The following GRM7 variants were observed in gnomAD, a reference collection of about 807,000 sequenced individuals.
The protein encoded by GRM7 is glutamate metabotropic receptor 7.
A neutral mutation model predicts 84.5 loss-of-function variants in GRM7; 35 were observed. The observed-to-expected ratio is 0.41, with a 90% CI of 0.32 to 0.55. GRM7 has a LOEUF of 0.55. GRM7 is among the 20% of genes least tolerant of loss of function. The probability of loss-of-function intolerance (pLI) is 0.19; values close to 1 mark genes in which losing one functional copy is unlikely to be tolerated. For missense variants in GRM7, 1,003 were observed against 1,194.6 expected, an observed-to-expected ratio of 0.84 and a Z score of 2.36; for synonymous variants, 487 against 455.1, an observed-to-expected ratio of 1.07 and a Z score of -0.89.
chr3:7,611,479 A>G (rs1486248589), intron 8 of GRM7, among the ~76,000 whole-genome samples: 3 of 152,088 alleles, frequency 2.0e-5, no homozygotes, highest in Non-Finnish European at 4.4e-5. Context: ...GCTGCCACCT[A>G]TCATCATCAT....
chr3:7,215,186 G>A (rs115423492), intron 2 of GRM7, among the ~76,000 whole-genome samples: 2,902 of 152,116 alleles, frequency 0.019, 35 homozygotes, highest in Non-Finnish European at 0.029. Context: ...AGAAAATATG[G>A]GGCAAGACCT....
At chr3:7,198,872 T>C (rs1029288146) in intron 2 of GRM7, among the ~76,000 whole-genome samples, 1 of 152,160 alleles carries the variant, frequency 6.6e-6, no homozygotes, top group Admixed American at 6.5e-5. Context: ...AAAAGTTTAC[T>C]CCTCAAAAGG....
intron 4 of GRM7, among the ~76,000 whole-genome samples, chr3:7,361,749 G>A (rs1693674190): frequency 6.6e-6 from 1 of 152,128 alleles, no homozygotes; most frequent in Non-Finnish European, 1.5e-5. Context: ...CACAAAGACA[G>A]AAAGTGAAGC....
intron 4 of GRM7, among the ~76,000 whole-genome samples, chr3:7,328,817 T>C (rs1409604701): frequency 6.6e-6 from 1 of 152,054 alleles, no homozygotes; most frequent in Non-Finnish European, 1.5e-5. Context: ...TTTATTTCTG[T>C]GGTGCCCAGG....
intron 2 of GRM7, among the ~76,000 whole-genome samples, chr3:7,280,244 CA>C (rs1326871314): frequency 3.9e-5 from 6 of 152,090 alleles, no homozygotes; most frequent in Admixed American, 3.9e-4. Flanking sequence ...GCTGGAATAC[CA>C]GGACTAGATG....
chr3:7,181,160 A>G (rs1695323849), intron 2 of GRM7, among the ~76,000 whole-genome samples: 1 of 152,204 alleles, frequency 6.6e-6, no homozygotes, highest in African/African-American at 2.4e-5. Flanking sequence ...GTTATATGTT[A>G]CAATTAAGCT....
chr3:7,328,308 G>A (rs898734358), intron 4 of GRM7, among the ~76,000 whole-genome samples: 1 of 152,154 alleles, frequency 6.6e-6, no homozygotes, highest in Non-Finnish European at 1.5e-5. Context: ...GTCTGGTTTA[G>A]AATCTTTGAA....
intron 2 of GRM7, among the ~76,000 whole-genome samples, chr3:7,222,893 T>C (rs745792424): frequency 3.9e-5 from 6 of 152,206 alleles, no homozygotes; most frequent in Non-Finnish European, 8.8e-5. Flanking sequence ...TGTTTTCCTA[T>C]CACTGGACTG....
chr3:7,479,627 A>G (rs967320706), intron 7 of GRM7, among the ~76,000 whole-genome samples: 7 of 152,208 alleles, frequency 4.6e-5, no homozygotes, highest in Non-Finnish European at 8.8e-5. Context: ...ACTGTATGCC[A>G]GTCACTATGC....
chr3:7,236,567 C>T (rs1697356615), intron 2 of GRM7, among the ~76,000 whole-genome samples: 1 of 152,112 alleles, frequency 6.6e-6, no homozygotes, highest in African/African-American at 2.4e-5. Flanking sequence ...AGACAATAGG[C>T]CAGTTTCCAA....
At chr3:7,708,191 C>T (rs1305851526) in intron 9 of GRM7, among the ~76,000 whole-genome samples, 1 of 151,494 alleles carries the variant, frequency 6.6e-6, no homozygotes, top group Non-Finnish European at 1.5e-5. Flanking sequence ...TAGGTTTTGG[C>T]TTTGTGAGGT....
intron 8 of GRM7, among the ~76,000 whole-genome samples, chr3:7,599,211 A>G (rs1169192548): frequency 2.6e-5 from 4 of 152,278 alleles, no homozygotes; most frequent in Non-Finnish European, 5.9e-5. Flanking sequence ...ATGTCTTTAC[A>G]TATTGACGTT....
At position 7,740,747 on chromosome 3, in the gene GRM7, G is replaced by T. The variant is rs187139392; in HGVS notation, c.*341G>T. 2.3e-4 allele frequency: 49 copies of T among 211,308 alleles called. No individual in the cohort carries two copies. The highest frequency in any genetic ancestry group is 1.6e-3 in the Middle Eastern group (1 of 616). 13.1% of individuals were successfully genotyped at this position (211,308 alleles called of 1,614,324 possible). On this transcript the variant is annotated 3_prime_UTR_variant, in exon 10 of 10. Transcript: ENST00000357716. ...TTTTGGGGCTGACCTGTCTTATTAC[G>T]TATGTACTTCTAGGTTGCAAGGTTT... is the stretch of plus-strand genomic sequence containing the variant.
At chr3:7,105,227 C>T (rs1234358410) in intron 1 of GRM7, among the ~76,000 whole-genome samples, 6 of 151,418 alleles carry the variant, frequency 4.0e-5, no homozygotes, top group Admixed American at 1.3e-4. Context: ...AAGACTTTTC[C>T]TGTTTTAAGA....
At chr3:7,546,732 A>G (rs750223013) in intron 7 of GRM7, among the ~76,000 whole-genome samples, 83 of 152,154 alleles carry the variant, frequency 5.5e-4, no homozygotes, top group Middle Eastern at 3.4e-3. Context: ...CTGAGTTTCC[A>G]TATTCTAGTT....
chr3:7,232,495 T>A (rs1323219770), intron 2 of GRM7, among the ~76,000 whole-genome samples: 2 of 152,118 alleles, frequency 1.3e-5, no homozygotes, highest in African/African-American at 4.8e-5. Context: ...TGGGCTGAAG[T>A]ATCAGATGAT....
intron 2 of GRM7, among the ~76,000 whole-genome samples, chr3:7,239,979 A>G: frequency 6.6e-6 from 1 of 152,140 alleles, no homozygotes; most frequent in East Asian, 1.9e-4. Context: ...CCTAAGAGTA[A>G]AAGGACTCTA....
chr3:7,607,380 A>G (rs1332554895), intron 8 of GRM7: 1 of 152,148 alleles, frequency 6.6e-6, no homozygotes, highest in African/African-American at 2.4e-5. Flanking sequence ...AGTCTTCAAT[A>G]AGTTTTCATA....
chr3:7,679,591 A>C (rs2125140026), intron 8 of GRM7, among the ~76,000 whole-genome samples: 1 of 152,338 alleles, frequency 6.6e-6, no homozygotes, highest in Middle Eastern at 3.4e-3. Context: ...ATATAAAAAG[A>C]GACATACATT....
Sources: gnomAD v4.1 joint callset for allele counts (sites outside exome capture counted in the v4.1 genomes callset) on GRCh38, gnomAD v4.1.1 for gene constraint, MANE v1.5 for transcripts, NCBI Gene and HGNC (gene_info 2026-07-23, HGNC 2026-07-21) for gene names.